The following KRT8 variants were observed in gnomAD, a reference collection of about 807,000 sequenced individuals.
The protein encoded by KRT8 is keratin, type II cytoskeletal 8.
In KRT8, 24 loss-of-function variants were observed where a neutral mutation model predicts 43.0. The ratio of observed to expected loss-of-function variants is 0.56; its 90% CI spans 0.40 to 0.78. The LOEUF is 0.78. Among genes scored for constraint, KRT8 ranks in the 30% least tolerant of loss-of-function variants. KRT8 has a pLI of 0.00. For missense variants in KRT8, 492 were observed against 638.4 expected (o/e 0.77, Z 2.47); for synonymous variants, 214 against 261.2 (o/e 0.82, Z 1.74).
chr12:52,937,397 T>G (rs1295120768), intron 2 of KRT8, among the ~76,000 whole-genome samples: 2 of 136,178 alleles, frequency 1.5e-5, no homozygotes, highest in African/African-American at 5.6e-5. Flanking sequence ...GAGAGAGAGA[T>G]ACAGATGGGG....
rs756592751 is a variant in KRT8, at chr12:52,897,399, G to C, written c.*29C>G. 9 of 1,583,398 alleles carry C rather than the reference G, an allele frequency of 5.7e-6. No homozygotes were observed. In the East Asian group the frequency reaches 1.8e-4, roughly 31 times the overall value. ...CCAGGCTCTGGGGCAGCGCAGGAGG[G>C]GTAGGCTGGGAGGGGCTGCCGCAGC... On this transcript the variant is annotated 3_prime_UTR_variant, in exon 8 of 8. Transcript: ENST00000692008.
rs1942406758 is a variant in KRT8 at position 52,949,061 on chromosome 12, C to T, written c.-47+395G>A. On this transcript the variant is annotated intron_variant, in intron 2 of 6. Coordinates refer to the KRT8 transcript ENST00000546826. ...GTGGCTCCGGCTTCCGAAGCGGCTC[C>T]GGGGCGGGGGCGGGGCCTCACTCTG... 4 of 1,047,056 alleles carry T rather than the reference C, an allele frequency of 3.8e-6. No homozygotes were observed. The East Asian group carries it at 9.8e-5, about 26-fold the overall frequency. The allele number at this position is 1,047,056 out of a possible 1,614,324, so 64.9% of individuals were successfully genotyped here.
At chr12:52,930,487 C>T (rs1263984149) in intron 2 of KRT8, among the ~76,000 whole-genome samples, 1 of 152,224 alleles carries the variant, frequency 6.6e-6, no homozygotes, top group African/African-American at 2.4e-5. Context: ...TCCCAAAGTG[C>T]TGGCATTACA....
chr12:52,904,362 G>A (rs1165225377), intron 1 of KRT8, among the ~76,000 whole-genome samples: 4 of 152,178 alleles, frequency 2.6e-5, no homozygotes, highest in African/African-American at 9.7e-5. Context: ...TGTAGAGAGG[G>A]GTGGTGGGAA....
chr12:52,906,276 T>A (rs1284569152), upstream of KRT8, among the ~76,000 whole-genome samples: 1 of 152,158 alleles, frequency 6.6e-6, no homozygotes, highest in East Asian at 1.9e-4. Context: ...ATGGGAGCTA[T>A]GTCAGGGACT....
At chr12:52,936,520 T>C (rs1942172106) in intron 2 of KRT8, among the ~76,000 whole-genome samples, 1 of 152,138 alleles carries the variant, frequency 6.6e-6, no homozygotes, top group Non-Finnish European at 1.5e-5. Flanking sequence ...TTTTTGTTGT[T>C]GTTGTTGTTG....
intron 2 of KRT8, among the ~76,000 whole-genome samples, chr12:52,929,353 A>C (rs1278380241): frequency 6.6e-6 from 1 of 151,844 alleles, no homozygotes; most frequent in African/African-American, 2.4e-5. Flanking sequence ...CACCACGCCC[A>C]GCTGATTTTT....
At chr12:52,917,985 G>T (rs1941778478) in intron 2 of KRT8, among the ~76,000 whole-genome samples, 1 of 147,564 alleles carries the variant, frequency 6.8e-6, no homozygotes, top group Non-Finnish European at 1.5e-5. Flanking sequence ...GGAAGAAGAA[G>T]AAGAAGGAGA....
At chr12:52,900,958 C>T (rs56128482) in intron 3 of KRT8, 10,293 of 652,664 alleles carry the variant, frequency 0.016, 122 homozygotes, top group Non-Finnish European at 0.019. Context: ...TGAACCATGT[C>T]CCAACACCGA....
chr12:52,905,746 T>C (rs10587831), upstream of KRT8, among the ~76,000 whole-genome samples: 1 of 12,242 alleles, frequency 8.2e-5, no homozygotes, highest in Non-Finnish European at 1.3e-4. Flanking sequence ...CACACACACA[T>C]ACACATACAC....
intron 2 of KRT8, among the ~76,000 whole-genome samples, chr12:52,917,329 G>A (rs915824380): frequency 1.3e-5 from 2 of 151,618 alleles, no homozygotes; most frequent in African/African-American, 4.9e-5. Flanking sequence ...TTGAACCCAG[G>A]AGGTGGAGGT....
At chr12:52,918,059 GA>G (rs1400128773) in intron 2 of KRT8, among the ~76,000 whole-genome samples, 7 of 143,904 alleles carry the variant, frequency 4.9e-5, no homozygotes, top group East Asian at 4.1e-4. Flanking sequence ...AGAGGAAGAA[GA>G]AGGAGAAGAA....
intron 2 of KRT8, among the ~76,000 whole-genome samples, chr12:52,944,936 T>C (rs922028475): frequency 2.0e-5 from 3 of 152,106 alleles, no homozygotes; most frequent in South Asian, 4.1e-4. Flanking sequence ...CTCCCCCTGC[T>C]CCGCAGCTGC....
At chr12:52,944,028 G>C (rs1420740026) in intron 2 of KRT8, among the ~76,000 whole-genome samples, 3 of 152,178 alleles carry the variant, frequency 2.0e-5, no homozygotes, top group Non-Finnish European at 4.4e-5. Context: ...AAGTGCAAAA[G>C]AACAAGGGGG....
intron 5 of KRT8, 33 bp from the exon 6 acceptor site, chr12:52,898,932 T>G (rs747914766): frequency 1.3e-6 from 2 of 1,599,534 alleles, no homozygotes; most frequent in Non-Finnish European, 1.7e-6. Context: ...GTAGGTCAGG[T>G]TGGGTATGCC....
chr12:52,904,913 G>A, exon 1 of KRT8: 4 of 1,612,696 alleles, frequency 2.5e-6, no homozygotes, highest in Non-Finnish European at 3.4e-6. Flanking sequence ...TCGTGTAGGA[G>A]CGGCTGCTGA....
exon 8 of KRT8, chr12:52,897,436 G>A: frequency 3.8e-6 from 6 of 1,599,352 alleles, no homozygotes; most frequent in East Asian, 2.2e-5. Context: ...GTTCACTTGG[G>A]CAGGACGTCA....
chr12:52,945,769 GCTCATTA>G, intron 2 of KRT8, among the ~76,000 whole-genome samples: 1 of 152,218 alleles, frequency 6.6e-6, no homozygotes, highest in South Asian at 2.1e-4. Context: ...CCCTGCCGAG[GCTCATTA>G]CTCTTTGTGT....
At chr12:52,925,779 G>A (rs1202964635) in intron 2 of KRT8, among the ~76,000 whole-genome samples, 1 of 152,080 alleles carries the variant, frequency 6.6e-6, no homozygotes. Flanking sequence ...TTCTTAATGG[G>A]GCCTAATAGT....
Sources: gnomAD v4.1 joint callset for allele counts (sites outside exome capture counted in the v4.1 genomes callset) on GRCh38, gnomAD v4.1.1 for gene constraint, MANE v1.5 for transcripts, NCBI Gene and HGNC (gene_info 2026-07-23, HGNC 2026-07-21) for gene names.